ARMC2: variants seen among roughly 807,000 people sequenced by gnomAD.
ARMC2 encodes the protein armadillo repeat containing 2.
A neutral mutation model predicts 90.3 loss-of-function variants in ARMC2; 67 were observed. That is an observed-to-expected ratio of 0.74 (90% CI 0.61 to 0.91). The LOEUF is 0.91. Ranked by LOEUF, ARMC2 falls within the 40% of genes least tolerant of loss-of-function variation. The pLI, the probability that ARMC2 is intolerant of heterozygous loss-of-function variation, is 0.00. For synonymous variants in ARMC2, 393 were observed against 393.0 expected, an observed-to-expected ratio of 1.00 and a Z score of 0.00; for missense variants, 920 against 1,030.9, an observed-to-expected ratio of 0.89 and a Z score of 1.47.
chr6:108,912,546 C>G lies in ARMC2; in HGVS notation c.1338C>G (p.His446Gln), dbSNP rs770470376. ...KCGTFLPNSGHLLVQVTATLR... is the reference protein window; with the variant it reads ...KCGTFLPNSGQLLVQVTATLR... ...GTACATTTTTGCCTAATTCGGGCCACTTGCTAGTCCAGGTAAGTATTTTAC... is the reference window on the plus strand; with the variant it reads ...GTACATTTTTGCCTAATTCGGGCCAGTTGCTAGTCCAGGTAAGTATTTTAC... Residue 446 changes from histidine to glutamine, a missense_variant, in exon 10 of 18, where the codon CAC (histidine) becomes CAG (glutamine). His to Gln is a conservative substitution (Grantham distance 24). Transcript: ENST00000392644. The G allele has an allele frequency of 6.2e-7, 1 of 1,612,046 alleles. No homozygotes were observed. The highest frequency in any genetic ancestry group is 1.3e-5 in the African/African-American group (1 of 74,864).
chr6:108,866,087 T>G (rs990844970), intron 3 of ARMC2, among the ~76,000 whole-genome samples: 1 of 152,092 alleles, frequency 6.6e-6, no homozygotes, highest in Non-Finnish European at 1.5e-5. Flanking sequence ...AGCTGTTTAC[T>G]TTGTCTGCAT....
rs774853314 is a variant in ARMC2, at chr6:108,904,360, T to C, written c.978T>C (p.Val326=). Residue 326 remains valine, a synonymous_variant, in exon 8 of 18, where the codon GTT becomes GTC. Coordinates refer to ENST00000392644, the MANE Select transcript of ARMC2 (RefSeq NM_032131.6). ...LLKTLCKLVD[V]GSDSLSLKLA... ...AGACCCTGTGTAAACTAGTTGATGT[T>C]GGTTCAGACTCGCTCAGCCTTAAAC... 1 of 1,612,430 alleles carries C rather than the reference T, an allele frequency of 6.2e-7. No homozygotes were observed. Among genetic ancestry groups the C allele is most frequent in the Non-Finnish European group, 8.5e-7 (1 of 1,179,510 alleles).
chr6:109,016,920 T>C, the ARMC2 span, among the ~76,000 whole-genome samples: 1 of 152,162 alleles, frequency 6.6e-6, no homozygotes, highest in Non-Finnish European at 1.5e-5. Flanking sequence ...TTTATTCAGA[T>C]GATATAAATT....
the ARMC2 span, among the ~76,000 whole-genome samples, chr6:108,982,972 A>C: frequency 6.6e-6 from 1 of 151,790 alleles, no homozygotes; most frequent in Non-Finnish European, 1.5e-5. Flanking sequence ...TTACCGGTGC[A>C]CACCACCATG....
chr6:108,949,326 G>T (rs911789970), intron 12 of ARMC2, among the ~76,000 whole-genome samples: 2 of 152,172 alleles, frequency 1.3e-5, no homozygotes, highest in Non-Finnish European at 2.9e-5. Context: ...TCAGGTTAAA[G>T]AAATGGAAGT....
chr6:108,959,487 C>G (rs1452941810), intron 13 of ARMC2: 2 of 152,516 alleles, frequency 1.3e-5, no homozygotes. Flanking sequence ...TGAGTGGCCT[C>G]CCTCGCAGGC....
chr6:108,907,945 A>G (rs1279596498), intron 8 of ARMC2: 4 of 1,250,934 alleles, frequency 3.2e-6, no homozygotes, highest in South Asian at 1.3e-5. Flanking sequence ...TTTAAACAAT[A>G]TTATTTTAAA....
rs756944003 is a variant in ARMC2 at position 108,858,199 on chromosome 6, C to T, written c.219C>T (p.Ser73=). The T allele has an allele frequency of 6.2e-7, 1 of 1,607,728 alleles. No homozygotes were observed. Among genetic ancestry groups the T allele is most frequent in the Non-Finnish European group, 8.5e-7 (1 of 1,175,302 alleles). ...CACTCTGCACCATCTTTTATGCTAG[C>T]CTCCATGCATCCAGTTTTGAGTCAT... is the stretch of plus-strand genomic sequence containing the variant. ...TSENRPPSSF[S]LHASSFESSD... is the part of the protein sequence containing the mutation. Residue 73 remains serine (S), a splice_region_variant and synonymous_variant, in exon 3 of 18, where the codon AGC becomes AGT. Coordinates refer to ENST00000392644, the MANE Select transcript of ARMC2 (RefSeq NM_032131.6).
Position 108,912,368 on chromosome 6 carries a change from T to A in ARMC2, c.1160T>A (p.Leu387Gln). 6.2e-7 allele frequency: 1 copy of A among 1,611,366 alleles called. No homozygotes were observed. The highest frequency in any genetic ancestry group is 8.5e-7 in the Non-Finnish European group (1 of 1,179,142). ...SLLEVLRSEDLQTNMEAFLYC... is the reference protein window; with the variant it reads ...SLLEVLRSEDQQTNMEAFLYC... ...TTGGAGGTACTAAGAAGTGAAGACC[T>A]GCAAACTAACATGGAAGCTTTTTTA... The change falls in exon 10 of 18, where the codon CTG becomes CAG. Residue 387 changes from leucine to glutamine, a missense_variant. By Grantham distance (113) the Leu-to-Gln change is moderately radical (BLOSUM62 -2). Coordinates refer to ENST00000392644, the MANE Select transcript of ARMC2 (RefSeq NM_032131.6).
chr6:109,002,067 G>C, the ARMC2 span, among the ~76,000 whole-genome samples: 1 of 151,958 alleles, frequency 6.6e-6, no homozygotes, highest in Non-Finnish European at 1.5e-5. Context: ...ATTAAATATG[G>C]GTGTTAAAAA....
At chr6:108,925,639 G>A (rs1201001125) in intron 10 of ARMC2, among the ~76,000 whole-genome samples, 5 of 152,200 alleles carry the variant, frequency 3.3e-5, no homozygotes, top group Admixed American at 2.6e-4. Context: ...TGGACAAAAA[G>A]CCAATATGGC....
At chr6:109,000,712 A>C in the ARMC2 span, 1 of 1,414,690 alleles carries the variant, frequency 7.1e-7, no homozygotes, top group Non-Finnish European at 9.4e-7. Flanking sequence ...AAATATTAAA[A>C]CCTTGAACTA....
the ARMC2 span, among the ~76,000 whole-genome samples, chr6:109,019,897 A>G: frequency 6.6e-6 from 1 of 152,204 alleles, no homozygotes; most frequent in Non-Finnish European, 1.5e-5. Context: ...GATCATAAAT[A>G]CGCATTAAAA....
At chr6:108,888,296 C>T (rs1327743865) in intron 5 of ARMC2, among the ~76,000 whole-genome samples, 1 of 152,174 alleles carries the variant, frequency 6.6e-6, no homozygotes, top group Non-Finnish European at 1.5e-5. Flanking sequence ...CTGTGCCAAG[C>T]AATCGCACAT....
At chr6:109,044,520 TTAATATA>T in the ARMC2 span, among the ~76,000 whole-genome samples, 1 of 151,838 alleles carries the variant, frequency 6.6e-6, no homozygotes, top group East Asian at 1.9e-4. Flanking sequence ...AGACCTAAAT[TTAATATA>T]TAAGACTAAA....
intron 10 of ARMC2, among the ~76,000 whole-genome samples, chr6:108,913,245 T>G (rs888456890): frequency 3.9e-5 from 6 of 152,156 alleles, no homozygotes; most frequent in African/African-American, 1.5e-4. Flanking sequence ...TTTGATGTAA[T>G]AATTCATAGG....
At chr6:108,880,025 G>A (rs138570545) in intron 5 of ARMC2, 7 of 440,352 alleles carry the variant, frequency 1.6e-5, no homozygotes, top group African/African-American at 8.2e-5. Context: ...AATAAGAAAA[G>A]AGGGCTTCTG....
chr6:108,934,605 A>C (rs571612517), intron 11 of ARMC2, among the ~76,000 whole-genome samples: 5 of 152,264 alleles, frequency 3.3e-5, no homozygotes, highest in Admixed American at 3.3e-4. Flanking sequence ...AAACTTGCTC[A>C]AAATGCTATT....
At chr6:108,867,841 G>A (rs973537563) in intron 3 of ARMC2, among the ~76,000 whole-genome samples, 1 of 151,766 alleles carries the variant, frequency 6.6e-6, no homozygotes, top group African/African-American at 2.4e-5. Flanking sequence ...AGCTGAGGCC[G>A]GAGAATCACT....
Sources: gnomAD v4.1 joint callset for allele counts (sites outside exome capture counted in the v4.1 genomes callset) on GRCh38, gnomAD v4.1.1 for gene constraint, MANE v1.5 for transcripts, NCBI Gene and HGNC (gene_info 2026-07-23, HGNC 2026-07-21) for gene names.